The following FBXW11 variants were observed in gnomAD, a reference collection of about 807,000 sequenced individuals.
FBXW11 encodes F-box/WD repeat-containing protein 11.
A neutral mutation model predicts 77.6 loss-of-function variants in FBXW11; 19 were observed. That is an observed-to-expected ratio of 0.24 (90% CI 0.17 to 0.36). The LOEUF is 0.36. Ranked by LOEUF, FBXW11 falls within the 10% of genes least tolerant of loss-of-function variation. The pLI is 1.00. For missense variants in FBXW11, 334 were observed against 704.2 expected (o/e 0.47, Z 5.95); for synonymous variants, 235 against 249.4 (o/e 0.94, Z 0.54).
intron 1 of FBXW11, among the ~76,000 whole-genome samples, chr5:171,969,106 A>G (rs1375841112): frequency 1.3e-5 from 2 of 152,052 alleles, no homozygotes; most frequent in African/African-American, 4.8e-5. Context: ...TGTCTCTACT[A>G]AAAAAACAAA....
intron 2 of FBXW11, among the ~76,000 whole-genome samples, chr5:171,920,663 C>T (rs1450140589): frequency 2.0e-5 from 3 of 152,132 alleles, no homozygotes. Context: ...CATGCCAATG[C>T]ACTCCAGCCC....
At chr5:171,897,991 A>T (rs1759863450) in intron 6 of FBXW11, among the ~76,000 whole-genome samples, 1 of 152,168 alleles carries the variant, frequency 6.6e-6, no homozygotes, top group Non-Finnish European at 1.5e-5. Context: ...TATCTAGTGA[A>T]AGTTTTTATT....
At chr5:171,932,954 C>CAAAA (rs59324690) in intron 2 of FBXW11, among the ~76,000 whole-genome samples, 4 of 50,252 alleles carry the variant, frequency 8.0e-5, no homozygotes, top group Admixed American at 2.7e-4. Context: ...CTGCCTCTAC[C>CAAAA]AAAAAAAAAA....
chr5:171,898,991 A>G lies in FBXW11; in HGVS notation c.714+13T>C, dbSNP rs931296700. On this transcript the variant is annotated intron_variant, in intron 6 of 13. Coordinates refer to ENST00000517395, the MANE Select transcript of FBXW11 (RefSeq NM_001378974.1). Reference sequence around the variant, plus strand: ...AACAAAGAGCCCATAAAACAGATAAATCATAAAGTTACCTCTATATCCTGG... The same window carrying G: ...AACAAAGAGCCCATAAAACAGATAAGTCATAAAGTTACCTCTATATCCTGG... 3 of 1,525,200 alleles carry G rather than the reference A, an allele frequency of 2.0e-6. No homozygotes were observed. Among genetic ancestry groups the G allele is most frequent in the Admixed American group, 2.0e-5 (1 of 49,394 alleles). The allele number at this position is 1,525,200 out of a possible 1,614,324, so 94.5% of individuals were successfully genotyped here.
chr5:171,920,630 T>C (rs1761540834), intron 2 of FBXW11, among the ~76,000 whole-genome samples: 1 of 151,660 alleles, frequency 6.6e-6, no homozygotes, highest in Non-Finnish European at 1.5e-5. Context: ...TCTCAGAAGT[T>C]TGAGGCTTCA....
At chr5:171,989,740 G>A (rs1222890791) in intron 1 of FBXW11, among the ~76,000 whole-genome samples, 1 of 152,196 alleles carries the variant, frequency 6.6e-6, no homozygotes, top group Non-Finnish European at 1.5e-5. Flanking sequence ...TGTTTTGTCG[G>A]TTTGTTTGTT....
chr5:171,868,902 T>A, intron 12 of FBXW11, 106 bp from the exon 13 acceptor site: 7 of 965,474 alleles, frequency 7.3e-6, no homozygotes, highest in African/African-American at 1.6e-5. Context: ...TAAACAGACT[T>A]CCTAAACGAC....
At chr5:171,881,872 A>C (rs547315426) in intron 7 of FBXW11, among the ~76,000 whole-genome samples, 258 of 152,308 alleles carry the variant, frequency 1.7e-3, no homozygotes, top group Non-Finnish European at 3.1e-3. Context: ...GGAGTTGATC[A>C]TATTATTTTA....
intron 1 of FBXW11, among the ~76,000 whole-genome samples, chr5:171,985,080 T>A (rs1194665881): frequency 6.6e-6 from 1 of 152,186 alleles, no homozygotes; most frequent in Non-Finnish European, 1.5e-5. Context: ...AACACAGTCA[T>A]CCACTCTACA....
At chr5:171,946,357 T>C (rs941149138) in intron 2 of FBXW11, among the ~76,000 whole-genome samples, 3 of 152,156 alleles carry the variant, frequency 2.0e-5, no homozygotes, top group African/African-American at 7.2e-5. Flanking sequence ...ACACAGCAGG[T>C]AGAGGGATCC....
At chr5:171,883,713 A>G (rs1359926583) in intron 7 of FBXW11, among the ~76,000 whole-genome samples, 3 of 151,750 alleles carry the variant, frequency 2.0e-5, no homozygotes, top group African/African-American at 7.3e-5. Flanking sequence ...TTTGATTTGC[A>G]TTTCTCTGAT....
chr5:171,917,378 C>T (rs966843488), intron 2 of FBXW11, among the ~76,000 whole-genome samples: 1 of 152,184 alleles, frequency 6.6e-6, no homozygotes, highest in Non-Finnish European at 1.5e-5. Flanking sequence ...AACAACTCTT[C>T]ACAGTGAGAA....
intron 1 of FBXW11, among the ~76,000 whole-genome samples, chr5:171,984,205 C>T (rs145613639): frequency 1.6e-3 from 241 of 152,292 alleles, no homozygotes; most frequent in Non-Finnish European, 2.7e-3. Flanking sequence ...CCTTGAAATG[C>T]TCTGGAAAAG....
chr5:171,920,883 G>A (rs941229490), intron 2 of FBXW11, among the ~76,000 whole-genome samples: 3 of 152,082 alleles, frequency 2.0e-5, no homozygotes, highest in Non-Finnish European at 2.9e-5. Flanking sequence ...CTAGGTAGCC[G>A]AGATGTAAAT....
At chr5:171,870,420 C>T (rs1757687370) in intron 11 of FBXW11, among the ~76,000 whole-genome samples, 1 of 152,000 alleles carries the variant, frequency 6.6e-6, no homozygotes, top group African/African-American at 2.4e-5. Context: ...CACAAAGAGC[C>T]TGGCTTAATT....
At chr5:171,873,181 A>C (rs781448454) in intron 9 of FBXW11, among the ~76,000 whole-genome samples, 191 bp from the exon 10 acceptor site, 17 of 152,312 alleles carry the variant, frequency 1.1e-4, no homozygotes, top group South Asian at 6.2e-4. Context: ...CTGCTGAGTA[A>C]TAACACTGGA....
intron 1 of FBXW11, among the ~76,000 whole-genome samples, chr5:171,970,965 C>G (rs910892333): frequency 3.3e-5 from 5 of 152,164 alleles, no homozygotes; most frequent in African/African-American, 1.2e-4. Context: ...TGCTGCACAG[C>G]AAGGATGTCT....
chr5:171,885,058 C>A (rs554409272), intron 7 of FBXW11, among the ~76,000 whole-genome samples: 5 of 152,140 alleles, frequency 3.3e-5, no homozygotes, highest in Non-Finnish European at 7.4e-5. Context: ...CCCCTTTATG[C>A]GTGACCAAAT....
At chr5:171,885,651 G>C (rs981417722) in intron 7 of FBXW11, among the ~76,000 whole-genome samples, 1 of 152,152 alleles carries the variant, frequency 6.6e-6, no homozygotes, top group Admixed American at 6.5e-5. Context: ...GTGTTCCCAA[G>C]TTAACAATAT....
Sources: allele counts gnomAD v4.1 joint callset (sites outside exome capture counted in the v4.1 genomes callset), GRCh38; gene constraint gnomAD v4.1.1; transcripts MANE v1.5; gene names NCBI Gene and HGNC (gene_info 2026-07-23, HGNC 2026-07-21).